Variants in POLR1D observed in about 807,000 individuals in gnomAD.
POLR1D encodes the protein RNA polymerase I and III subunit D.
POLR1D carries 8 observed loss-of-function variants against 10.8 expected under a neutral mutation model. That is an observed-to-expected ratio of 0.74 (90% confidence interval 0.43 to 1.33). The LOEUF (loss-of-function observed/expected upper bound fraction) is 1.33, where lower values mean the gene tolerates loss of function less well. POLR1D is among the 40% of genes most tolerant of loss of function. The pLI, the probability that POLR1D is intolerant of heterozygous loss-of-function variation, is 0.01. For missense variants in POLR1D, 152 were observed against 161.7 expected (o/e 0.94, Z 0.32); for synonymous variants, 54 against 57.2 (o/e 0.94, Z 0.25).
intron 1 of POLR1D, among the ~76,000 whole-genome samples, chr13:27,642,529 C>A (rs1025003594): frequency 1.3e-5 from 2 of 152,134 alleles, no homozygotes; most frequent in African/African-American, 2.4e-5. Flanking sequence ...TCTTCCATCT[C>A]ACCCATCATC....
chr13:27,659,904 G>GTATATA (rs1374073738), intron 2 of POLR1D, among the ~76,000 whole-genome samples: 1 of 67,948 alleles, frequency 1.5e-5, no homozygotes, highest in African/African-American at 1.1e-4. Context: ...CATATCTCAG[G>GTATATA]TGTATATATA....
At chr13:27,666,874 C>T (rs1956423496) in exon 3 of POLR1D, 2 of 152,142 alleles carry the variant, frequency 1.3e-5, no homozygotes, top group South Asian at 2.1e-4. Flanking sequence ...TCACCAAGCA[C>T]CCTCCTCCCC....
intron 1 of POLR1D, among the ~76,000 whole-genome samples, chr13:27,637,933 A>AT (rs201213808): frequency 8.6e-5 from 13 of 150,786 alleles, no homozygotes; most frequent in South Asian, 4.2e-4. Context: ...ACTGGCATAA[A>AT]TTTTTTTTTT....
intron 2 of POLR1D, among the ~76,000 whole-genome samples, chr13:27,658,089 T>C (rs1956325846): frequency 6.6e-6 from 1 of 152,240 alleles, no homozygotes; most frequent in Non-Finnish European, 1.5e-5. Flanking sequence ...CTCAAATTTA[T>C]CTGCACATTT....
rs1956383253 is a variant in POLR1D, at chr13:27,663,345, G to A, written c.102-2341G>A. On this transcript the variant is annotated intron_variant, in intron 2 of 2. Transcript: ENST00000399697. The surrounding 1 kb of genome is among the most constrained non-coding windows in gnomAD (Gnocchi z 4.1). ...CCCCAGTAAACCAAGATCTCCTCAG[G>A]CCACCCTTGGCTATTTACCTAGAAT... is the stretch of plus-strand genomic sequence containing the variant. Among the ~76,000 whole-genome samples the A allele has an allele frequency of 6.6e-6, 1 of 152,214 alleles. No homozygotes were observed. The highest frequency in any genetic ancestry group is 2.1e-4 in the South Asian group (1 of 4,816).
chr13:27,648,604 G>A, intron 2 of POLR1D: 1 of 601,478 alleles, frequency 1.7e-6, no homozygotes, highest in South Asian at 1.7e-5. Flanking sequence ...ACACTGCTGA[G>A]AACTGAATGT....
chr13:27,632,025 A>G (rs1956078402), intron 1 of POLR1D, among the ~76,000 whole-genome samples: 1 of 152,236 alleles, frequency 6.6e-6, no homozygotes, highest in Admixed American at 6.5e-5. Context: ...TAAGCATCAT[A>G]GAGAGCCTTG....
rs557482249 is a variant in POLR1D, at chr13:27,665,999, CG to C, written c.*50del. Reference sequence around the variant, plus strand: ...AGCCCTGCGGGCCTCCGTGCTCCTTCGGGGTGCGGTGTGCGGAGAAGGCCTG... The same window carrying C: ...AGCCCTGCGGGCCTCCGTGCTCCTTCGGGTGCGGTGTGCGGAGAAGGCCTG... On this transcript the variant is annotated 3_prime_UTR_variant, in exon 3 of 3. Coordinates refer to the POLR1D transcript ENST00000399697. The C allele has an allele frequency of 9.0e-3, 14,295 of 1,586,062 alleles. 97 individuals are homozygous for C. Among genetic ancestry groups the C allele is most frequent in the Non-Finnish European group, 0.011 (12,534 of 1,159,662 alleles).
intron 1 of POLR1D, among the ~76,000 whole-genome samples, chr13:27,632,969 C>T (rs1044031240): frequency 2.0e-5 from 3 of 152,158 alleles, no homozygotes; most frequent in African/African-American, 7.2e-5. Flanking sequence ...AGGGAAATAA[C>T]TATTCTATAA....
chr13:27,627,826 G>C (rs1029803852), downstream of POLR1D, among the ~76,000 whole-genome samples: 3 of 146,328 alleles, frequency 2.1e-5, no homozygotes, highest in Non-Finnish European at 4.5e-5. Context: ...ATTTGTAATA[G>C]TCCAGGTATA....
upstream of POLR1D, chr13:27,621,624 G>C (rs1039838165): frequency 1.2e-5 from 2 of 170,172 alleles, no homozygotes; most frequent in African/African-American, 2.4e-5. Flanking sequence ...GCCATCACCT[G>C]GGGAAAGGTA....
downstream of POLR1D, among the ~76,000 whole-genome samples, chr13:27,625,387 T>C (rs1451891261): frequency 6.6e-6 from 1 of 152,166 alleles, no homozygotes; most frequent in Non-Finnish European, 1.5e-5. Flanking sequence ...GTTTGAGGTA[T>C]ATTTTAGAAT....
At chr13:27,661,183 A>G (rs1956360839) in intron 2 of POLR1D, among the ~76,000 whole-genome samples, 1 of 152,184 alleles carries the variant, frequency 6.6e-6, no homozygotes, top group East Asian at 1.9e-4. Context: ...ACAGCCTCTG[A>G]GCCCACAGGT....
chr13:27,636,555 T>C (rs1192713514), intron 1 of POLR1D, among the ~76,000 whole-genome samples: 1 of 151,984 alleles, frequency 6.6e-6, no homozygotes, highest in Non-Finnish European at 1.5e-5. Flanking sequence ...TATGTCCCGA[T>C]TTCTATCAAG....
exon 3 of POLR1D, chr13:27,665,750 C>A: frequency 6.2e-7 from 1 of 1,612,988 alleles, no homozygotes; most frequent in Non-Finnish European, 8.5e-7. Flanking sequence ...AAACACATTG[C>A]CCTCTCATAA....
intron 1 of POLR1D, among the ~76,000 whole-genome samples, chr13:27,639,724 G>C (rs568331187): frequency 6.6e-6 from 1 of 152,318 alleles, no homozygotes; most frequent in East Asian, 1.9e-4. Flanking sequence ...TGATCTCTCT[G>C]TAATAGTAAT....
chr13:27,650,121 G>A (rs1218951), intron 2 of POLR1D: 221,602 of 398,052 alleles, frequency 0.56, 65,689 homozygotes, highest in East Asian at 0.81. Flanking sequence ...CCTCTGCTCC[G>A]TGAAGAGGAC....
intron 1 of POLR1D, among the ~76,000 whole-genome samples, chr13:27,646,839 T>A (rs1450185815): frequency 6.6e-6 from 1 of 152,180 alleles, no homozygotes; most frequent in Non-Finnish European, 1.5e-5. Flanking sequence ...GTATTTAAAA[T>A]CTTTTAAATA....
intron 1 of POLR1D, among the ~76,000 whole-genome samples, chr13:27,643,391 A>T (rs567175719): frequency 6.6e-6 from 1 of 152,292 alleles, no homozygotes; most frequent in South Asian, 2.1e-4. Flanking sequence ...GAGCTGATAC[A>T]TGACCCCAGA....
Sources: allele counts gnomAD v4.1 joint callset (sites outside exome capture counted in the v4.1 genomes callset), GRCh38; gene constraint gnomAD v4.1.1; non-coding constraint Gnocchi (gnomAD v3.1); transcripts MANE v1.5; gene names NCBI Gene and HGNC (gene_info 2026-07-23, HGNC 2026-07-21).